The following CAPZA1 variants were observed in gnomAD, a reference collection of about 807,000 sequenced individuals.
The protein encoded by CAPZA1 is F-actin-capping protein subunit alpha-1.
A neutral mutation model predicts 40.8 loss-of-function variants in CAPZA1; 10 were observed. The observed-to-expected ratio is 0.25, with a 90% confidence interval of 0.15 to 0.42. The LOEUF is 0.42. CAPZA1 is among the 10% of genes least tolerant of loss of function. The pLI is 1.00. For missense variants in CAPZA1, 277 were observed against 353.8 expected, an observed-to-expected ratio of 0.78 and a Z score of 1.74; for synonymous variants, 98 against 115.0, an observed-to-expected ratio of 0.85 and a Z score of 0.95.
intron 7 of CAPZA1, among the ~76,000 whole-genome samples, chr1:112,662,299 C>T (rs1157035574): frequency 2.0e-5 from 3 of 150,932 alleles, no homozygotes; most frequent in Non-Finnish European, 4.4e-5. Flanking sequence ...TTTGTAGAGT[C>T]GGGGTCTCAC....
intron 3 of CAPZA1, 22 bp from the exon 4 acceptor site, chr1:112,653,576 A>ATTT (rs1557734815): frequency 1.5e-6 from 2 of 1,304,150 alleles, no homozygotes; most frequent in African/African-American, 1.9e-5. Context: ...TTTTTTTTTA[A>ATTT]AAAACTTTTA....
chr1:112,625,339 A>G (rs1355731391), intron 1 of CAPZA1, among the ~76,000 whole-genome samples: 1 of 152,212 alleles, frequency 6.6e-6, no homozygotes, highest in Non-Finnish European at 1.5e-5. Flanking sequence ...CCCTAATGAA[A>G]GTATTTCCTT....
At chr1:112,636,873 A>C (rs1380320189) in intron 1 of CAPZA1, among the ~76,000 whole-genome samples, 2 of 152,082 alleles carry the variant, frequency 1.3e-5, no homozygotes, top group African/African-American at 2.4e-5. Context: ...TGCTCTATTA[A>C]TTTCATCTTA....
In CAPZA1 at chr1:112,670,092, T is replaced by C; in HGVS notation, c.821T>C (p.Ile274Thr). The change falls in exon 10 of 10, where the codon ATA (isoleucine) becomes ACA (threonine). Residue 274 changes from isoleucine (I) to threonine (T), a missense_variant. By Grantham distance (89) the Ile-to-Thr change is moderately conservative (BLOSUM62 -1). Transcript: ENST00000263168. ...CGCACCAAAATCGACTGGAACAAGA[T>C]ACTCAGCTACAAGATTGGCAAAGAA... Reference protein sequence around the residue: ...VTRTKIDWNKILSYKIGKEMQ... With the variant: ...VTRTKIDWNKTLSYKIGKEMQ... 1 of 1,613,946 alleles carries C rather than the reference T, an allele frequency of 6.2e-7. No individual in the cohort carries two copies. Among genetic ancestry groups the C allele is most frequent in the Non-Finnish European group, 8.5e-7 (1 of 1,179,848 alleles).
intron 3 of CAPZA1, 121 bp downstream of exon 3, chr1:112,649,590 G>A (rs1671345996): frequency 1.2e-6 from 1 of 803,770 alleles, no homozygotes; most frequent in South Asian, 1.6e-5. Flanking sequence ...GTTGGTTTTA[G>A]CAATTTTCGT....
chr1:112,646,519 G>A (rs558192347), intron 1 of CAPZA1, among the ~76,000 whole-genome samples: 1 of 152,188 alleles, frequency 6.6e-6, no homozygotes, highest in African/African-American at 2.4e-5. Flanking sequence ...TGAGGCTGCA[G>A]TAAGCCTTGA....
intron 2 of CAPZA1, among the ~76,000 whole-genome samples, chr1:112,649,000 G>A (rs1269377740): frequency 1.3e-5 from 2 of 151,366 alleles, no homozygotes; most frequent in Non-Finnish European, 2.9e-5. Context: ...CTGATACACA[G>A]CTTTTTAAAA....
Position 112,639,125 on chromosome 1 carries a change from C to T in CAPZA1, c.40-8085C>T, listed in dbSNP as rs1314509789. Among the ~76,000 whole-genome samples, 3 of 151,760 alleles carry T rather than the reference C, an allele frequency of 2.0e-5. No individual in the cohort carries two copies. In the East Asian group the frequency reaches 5.8e-4, roughly 29 times the overall value. ...TATCAAATATCTAATAACCATCCAC[C>T]ATTTTAGTAACTGTCAGGAAATAAC... On this transcript the variant is annotated intron_variant, in intron 1 of 9. Transcript: ENST00000263168.
At chr1:112,632,065 G>C (rs1247093846) in intron 1 of CAPZA1, among the ~76,000 whole-genome samples, 1 of 152,226 alleles carries the variant, frequency 6.6e-6, no homozygotes, top group African/African-American at 2.4e-5. Flanking sequence ...AGCACTTTGG[G>C]AAGTCAAGGC....
In CAPZA1 at chr1:112,659,055, A is replaced by G. The variant is rs746554716; in HGVS notation, c.460A>G (p.Ile154Val). Residue 154 changes from isoleucine to valine, a missense_variant, in exon 6 of 10, where the codon ATT becomes GTT. By Grantham distance (29) the Ile-to-Val change is conservative (BLOSUM62 3). Around this residue, in one of 2 missense-constraint regions of CAPZA1, gnomAD observed 192 missense variants for 277.2 expected, o/e 0.69. Transcript: ENST00000263168. ...TAAAACTATCGATGGGCAACAGACT[A>G]TTATTGCATGTATTGAAAGCCACCA... is the stretch of plus-strand genomic sequence containing the variant. ...YAKTIDGQQTIIACIESHQFQ... is the reference protein window; with the variant it reads ...YAKTIDGQQTVIACIESHQFQ... 2 of 1,613,534 alleles carry G rather than the reference A, an allele frequency of 1.2e-6. No individual in the cohort carries two copies. The highest frequency in any genetic ancestry group is 1.3e-5 in the African/African-American group (1 of 75,030).
At chr1:112,648,012 T>C (rs1315823856) in intron 2 of CAPZA1, among the ~76,000 whole-genome samples, 1 of 152,228 alleles carries the variant, frequency 6.6e-6, no homozygotes, top group Non-Finnish European at 1.5e-5. Context: ...TGGTTCAGTT[T>C]AGCAAACATT....
rs1329184595 is a variant in CAPZA1, at chr1:112,654,645, G to C, written c.400G>C (p.Asp134His). 1.2e-6 allele frequency: 2 copies of C among 1,612,530 alleles called. No individual in the cohort carries two copies. Among genetic ancestry groups the C allele is most frequent in the Admixed American group, 1.7e-5 (1 of 59,728 alleles). Reference sequence around the variant, plus strand: ...CAGTGCTTTAAGAGCCTATGTGAAAGACCATTATTCCAACGGCTTCTGTAC... The same window carrying C: ...CAGTGCTTTAAGAGCCTATGTGAAACACCATTATTCCAACGGCTTCTGTAC... ...CDSALRAYVK[D>H]HYSNGFCTVY... The change falls in exon 5 of 10, where the codon GAC (aspartate) becomes CAC (histidine). Residue 134 changes from aspartate to histidine, a missense_variant. Transcript: ENST00000263168.
chr1:112,633,544 T>C (rs1462057714), intron 1 of CAPZA1, among the ~76,000 whole-genome samples: 5 of 152,242 alleles, frequency 3.3e-5, no homozygotes, highest in Admixed American at 3.3e-4. Context: ...TGAACACTGC[T>C]GAAATGAACA....
intron 7 of CAPZA1, among the ~76,000 whole-genome samples, chr1:112,663,442 G>T (rs1003417765): frequency 4.6e-5 from 7 of 152,116 alleles, no homozygotes; most frequent in African/African-American, 1.7e-4. Context: ...CATCTTTGCT[G>T]TTCTGATTTT....
intron 7 of CAPZA1, among the ~76,000 whole-genome samples, chr1:112,661,760 A>G (rs898960779): frequency 6.6e-6 from 1 of 152,240 alleles, no homozygotes; most frequent in African/African-American, 2.4e-5. Flanking sequence ...CAAACCTATA[A>G]AATAAGAGCA....
intron 7 of CAPZA1, among the ~76,000 whole-genome samples, chr1:112,660,992 G>A (rs1671596169): frequency 6.6e-6 from 1 of 151,734 alleles, no homozygotes; most frequent in African/African-American, 2.4e-5. Context: ...CAAGTAGCTG[G>A]GATTACAGGC....
intron 7 of CAPZA1, among the ~76,000 whole-genome samples, chr1:112,665,149 C>G (rs1671698690): frequency 6.7e-6 from 1 of 150,060 alleles, no homozygotes; most frequent in Non-Finnish European, 1.5e-5. Context: ...GTAGCATAGA[C>G]TAGATGTCTT....
At chr1:112,655,517 A>G (rs1671480962) in intron 5 of CAPZA1, among the ~76,000 whole-genome samples, 1 of 151,786 alleles carries the variant, frequency 6.6e-6, no homozygotes, top group Non-Finnish European at 1.5e-5. Context: ...ATTTTTTTTT[A>G]ATCAGGAGTG....
intron 1 of CAPZA1, 114 bp downstream of exon 1, chr1:112,619,997 G>T (rs1670561577): frequency 1.0e-5 from 8 of 784,306 alleles, no homozygotes; most frequent in Non-Finnish European, 1.7e-5. Flanking sequence ...CTTGGTCCAT[G>T]CTGACATACG....
Sources: allele counts gnomAD v4.1 joint callset (sites outside exome capture counted in the v4.1 genomes callset), GRCh38; gene constraint gnomAD v4.1.1; regional missense constraint gnomAD v4.1.1; transcripts MANE v1.5; gene names NCBI Gene and HGNC (gene_info 2026-07-23, HGNC 2026-07-21).